Variants in SEMA3C observed in about 807,000 individuals in gnomAD.
SEMA3C encodes the protein semaphorin 3C.
In SEMA3C, 47 loss-of-function variants were observed where a neutral mutation model predicts 89.4. The ratio of observed to expected loss-of-function variants is 0.53; its 90% CI spans 0.42 to 0.67. SEMA3C has a LOEUF of 0.67. SEMA3C is among the 30% of genes least tolerant of loss of function. SEMA3C has a pLI of 0.00. For missense variants in SEMA3C, 839 were observed against 929.1 expected, an observed-to-expected ratio of 0.90 and a Z score of 1.26; for synonymous variants, 310 against 320.2, an observed-to-expected ratio of 0.97 and a Z score of 0.34.
At chr7:80,913,536 A>G (rs1241123180) in intron 2 of SEMA3C, among the ~76,000 whole-genome samples, 1 of 152,244 alleles carries the variant, frequency 6.6e-6, no homozygotes, top group Non-Finnish European at 1.5e-5. Flanking sequence ...ATGTAAATTC[A>G]GCCATGGGCT....
intron 2 of SEMA3C, among the ~76,000 whole-genome samples, chr7:80,886,826 T>C (rs923839096): frequency 2.0e-5 from 3 of 152,286 alleles, no homozygotes; most frequent in East Asian, 1.9e-4. Context: ...TAACCTTAAA[T>C]TATGAATAAT....
chr7:80,914,131 G>T (rs1445711715), intron 2 of SEMA3C, among the ~76,000 whole-genome samples: 5 of 152,164 alleles, frequency 3.3e-5, no homozygotes, highest in Non-Finnish European at 5.9e-5. Context: ...GAAACTATCT[G>T]AATTTCTGCA....
At chr7:80,822,087 G>T (rs1283948174) in intron 4 of SEMA3C, among the ~76,000 whole-genome samples, 1 of 152,100 alleles carries the variant, frequency 6.6e-6, no homozygotes, top group Non-Finnish European at 1.5e-5. Flanking sequence ...ATTCCATCCT[G>T]CAAATATGTG....
intron 2 of SEMA3C, among the ~76,000 whole-genome samples, chr7:80,840,552 G>T (rs1790241750): frequency 6.7e-6 from 1 of 148,956 alleles, no homozygotes; most frequent in Non-Finnish European, 1.5e-5. Context: ...AAGAGCGAGA[G>T]AGAGAGAGCG....
intron 2 of SEMA3C, among the ~76,000 whole-genome samples, chr7:80,856,536 G>GAAAAAA (rs397970593): frequency 2.0e-5 from 1 of 49,162 alleles, no homozygotes; most frequent in East Asian, 5.7e-4. Flanking sequence ...ATTGGTTAAG[G>GAAAAAA]AAAAAAAAAA....
intron 12 of SEMA3C, among the ~76,000 whole-genome samples, chr7:80,783,808 CCA>C (rs1372463897): frequency 6.6e-5 from 10 of 152,162 alleles, no homozygotes; most frequent in Non-Finnish European, 1.5e-4. Context: ...CTTCAAAACT[CCA>C]CACTTTCAGA....
At chr7:80,835,009 A>T (rs1790092920) in intron 2 of SEMA3C, among the ~76,000 whole-genome samples, 2 of 152,262 alleles carry the variant, frequency 1.3e-5, no homozygotes, top group African/African-American at 4.8e-5. Flanking sequence ...CCTACAATTC[A>T]GAGTGCCAAT....
rs1353340399 is a variant in SEMA3C at position 80,743,487 on chromosome 7, T to C, written c.*1407A>G. ...TTATATGATATTTGGATTAGGTACA[T>C]GGTACAATATCTGTTTTTACCTGGA... On this transcript the variant is annotated 3_prime_UTR_variant, in exon 18 of 18. Transcript: ENST00000265361. The C allele has an allele frequency of 6.6e-6, 1 of 151,882 alleles. No individual in the cohort carries two copies. The highest frequency in any genetic ancestry group is 1.5e-5 in the Non-Finnish European group (1 of 67,820). 9.4% of individuals were successfully genotyped at this position (151,882 alleles called of 1,614,324 possible). A position where few individuals can be genotyped will look rare whatever the true frequency, so the allele number is the denominator to read the frequency against.
chr7:80,915,251 G>C (rs1274238170), intron 2 of SEMA3C, among the ~76,000 whole-genome samples: 1 of 152,168 alleles, frequency 6.6e-6, no homozygotes, highest in South Asian at 2.1e-4. Flanking sequence ...ATACCTCAAA[G>C]GGTCTGTTTT....
chr7:80,750,809 G>A (rs909228806), intron 16 of SEMA3C, among the ~76,000 whole-genome samples: 12 of 151,832 alleles, frequency 7.9e-5, no homozygotes, highest in African/African-American at 1.7e-4. Flanking sequence ...ATATCCAGAC[G>A]TGACTGGCAG....
chr7:80,872,148 T>A (rs1227686133), intron 2 of SEMA3C, among the ~76,000 whole-genome samples: 2 of 152,022 alleles, frequency 1.3e-5, no homozygotes, highest in Non-Finnish European at 1.5e-5. Context: ...TCTCAGAATC[T>A]CCTTTTGTTG....
intron 2 of SEMA3C, among the ~76,000 whole-genome samples, chr7:80,871,917 G>A (rs115196422): frequency 0.027 from 4,034 of 151,990 alleles, 142 homozygotes; most frequent in African/African-American, 0.087. Flanking sequence ...ACCATAAAAT[G>A]CATTACATAG....
rs566031921 is a variant in SEMA3C, at chr7:80,820,224, A to G, written c.328-1806T>C. ...AGGCATGTGCCACCATACCCAGCTAATTTTTTTTTGTATTTTTAGTAGAGA... is the reference window on the plus strand; with the variant it reads ...AGGCATGTGCCACCATACCCAGCTAGTTTTTTTTTGTATTTTTAGTAGAGA... On this transcript the variant is annotated intron_variant, in intron 4 of 17. Transcript: ENST00000265361. 1.3e-3 allele frequency among the ~76,000 whole-genome samples: 192 copies of G among 150,064 alleles called. 3 individuals are homozygous for G. The highest frequency in any genetic ancestry group is 4.7e-4 in the Non-Finnish European group (32 of 67,378).
chr7:80,851,066 T>C (rs1223670638), intron 2 of SEMA3C, among the ~76,000 whole-genome samples: 1 of 152,126 alleles, frequency 6.6e-6, no homozygotes, highest in African/African-American at 2.4e-5. Context: ...ATGTTGTCTT[T>C]TCGTTCTCTT....
At chr7:80,904,911 CA>C (rs1791969092) in intron 2 of SEMA3C, among the ~76,000 whole-genome samples, 1 of 151,952 alleles carries the variant, frequency 6.6e-6, no homozygotes, top group Non-Finnish European at 1.5e-5. Flanking sequence ...TTAACCTTAC[CA>C]GTCATTCCAA....
intron 17 of SEMA3C, among the ~76,000 whole-genome samples, chr7:80,747,453 C>G (rs1453031912): frequency 6.6e-6 from 1 of 152,054 alleles, no homozygotes; most frequent in African/African-American, 2.4e-5. Flanking sequence ...TTAAGTATTA[C>G]TTACCCAATT....
intron 2 of SEMA3C, 133 bp from the exon 3 acceptor site, chr7:80,828,878 TA>T: frequency 1.4e-6 from 1 of 694,700 alleles, no homozygotes; most frequent in Non-Finnish European, 2.2e-6. Flanking sequence ...AAATTAATTT[TA>T]AAATAGAGTT....
chr7:80,838,253 C>T (rs1790180556), intron 2 of SEMA3C, among the ~76,000 whole-genome samples: 1 of 152,176 alleles, frequency 6.6e-6, no homozygotes, highest in Non-Finnish European at 1.5e-5. Context: ...CCCAACACCA[C>T]CCTCCAGAGC....
intron 2 of SEMA3C, among the ~76,000 whole-genome samples, chr7:80,901,374 A>G (rs1316550177): frequency 6.6e-6 from 1 of 152,204 alleles, no homozygotes; most frequent in Non-Finnish European, 1.5e-5. Flanking sequence ...CCAGGGAAGC[A>G]CCACAGCTGT....
Sources: gnomAD v4.1 joint callset for allele counts (sites outside exome capture counted in the v4.1 genomes callset) on GRCh38, gnomAD v4.1.1 for gene constraint, MANE v1.5 for transcripts, NCBI Gene and HGNC (gene_info 2026-07-23, HGNC 2026-07-21) for gene names.